Variants in NRCAM observed in about 807,000 individuals in gnomAD.
NRCAM encodes the protein NgCAM-related cell adhesion molecule.
Under a neutral mutation model 156.5 loss-of-function variants are expected in NRCAM, and 83 were observed. That is an observed-to-expected ratio of 0.53 (90% CI 0.44 to 0.64). The LOEUF (loss-of-function observed/expected upper bound fraction) is 0.64. Among genes scored for constraint, NRCAM ranks in the 30% least tolerant of loss-of-function variants. NRCAM has a pLI of 0.00. For synonymous variants in NRCAM, 538 were observed against 563.9 expected, an observed-to-expected ratio of 0.95 and a Z score of 0.65; for missense variants, 1,417 against 1,597.3, an observed-to-expected ratio of 0.89 and a Z score of 1.92.
chr7:108,194,598 A>G (rs1301528482), intron 15 of NRCAM, among the ~76,000 whole-genome samples, 170 bp from the exon 16 acceptor site: 2 of 152,232 alleles, frequency 1.3e-5, no homozygotes, highest in Admixed American at 6.5e-5. Context: ...GAAGAAAAAA[A>G]GGCATGTATG....
chr7:108,393,659 C>T (rs1007694806), intron 2 of NRCAM, among the ~76,000 whole-genome samples: 2 of 152,130 alleles, frequency 1.3e-5, no homozygotes, highest in Non-Finnish European at 2.9e-5. Context: ...AGAAATCAAC[C>T]GTCTTCTGTG....
At chr7:108,358,354 G>A (rs533803633) in intron 2 of NRCAM, among the ~76,000 whole-genome samples, 5 of 152,062 alleles carry the variant, frequency 3.3e-5, no homozygotes, top group South Asian at 2.1e-4. Context: ...GCAGTGAGCC[G>A]TGGTTATACC....
intron 3 of NRCAM, among the ~76,000 whole-genome samples, chr7:108,262,849 C>G (rs2096935740): frequency 6.6e-6 from 1 of 152,206 alleles, no homozygotes; most frequent in Non-Finnish European, 1.5e-5. Flanking sequence ...GGGTCACATA[C>G]TTTCACCACG....
intron 1 of NRCAM, among the ~76,000 whole-genome samples, chr7:108,414,989 G>A (rs911581156): frequency 6.6e-6 from 1 of 152,142 alleles, no homozygotes; most frequent in African/African-American, 2.4e-5. Flanking sequence ...GCAAGACAGA[G>A]GGGTTTGGAG....
At chr7:108,419,835 G>A (rs1806853617) in intron 1 of NRCAM, among the ~76,000 whole-genome samples, 1 of 152,096 alleles carries the variant, frequency 6.6e-6, no homozygotes, top group South Asian at 2.1e-4. Flanking sequence ...TTTTGATGTC[G>A]GGGTGAGGGT....
chr7:108,278,715 A>C, intron 3 of NRCAM, among the ~76,000 whole-genome samples: 1 of 152,208 alleles, frequency 6.6e-6, no homozygotes, highest in East Asian at 1.9e-4. Flanking sequence ...GCGCTTCCCC[A>C]GTGAGGCGAC....
At chr7:108,376,711 A>T (rs1360068009) in intron 2 of NRCAM, among the ~76,000 whole-genome samples, 1 of 152,236 alleles carries the variant, frequency 6.6e-6, no homozygotes, top group Non-Finnish European at 1.5e-5. Context: ...CAGTATGGGA[A>T]AACTGGGGAA....
chr7:108,292,723 G>A (rs974852914), intron 3 of NRCAM, among the ~76,000 whole-genome samples: 6 of 152,100 alleles, frequency 3.9e-5, no homozygotes, highest in South Asian at 2.1e-4. Context: ...TGGGGATCAC[G>A]GCTCCTATCT....
intron 1 of NRCAM, among the ~76,000 whole-genome samples, chr7:108,448,348 G>A (rs945146522): frequency 3.3e-5 from 5 of 152,150 alleles, no homozygotes; most frequent in Non-Finnish European, 7.4e-5. Flanking sequence ...CCTAAAAGTA[G>A]AAATATTCAT....
intron 1 of NRCAM, among the ~76,000 whole-genome samples, chr7:108,443,581 T>C (rs1426477786): frequency 6.6e-6 from 1 of 152,178 alleles, no homozygotes; most frequent in African/African-American, 2.4e-5. Flanking sequence ...ACATTTTTCA[T>C]GTTGAAAGAA....
At position 108,294,829 on chromosome 7, in the gene NRCAM, GTTTATACTTCCT is replaced by G. The variant is rs768198493; in HGVS notation, c.-107+17824_-107+17835del. On this transcript the variant is annotated intron_variant, in intron 3 of 32. Coordinates refer to ENST00000379028, the MANE Select transcript of NRCAM (RefSeq NM_001037132.4). ...ACTTCCCCTTTTTTGGACATGCTTA[GTTTATACTTCCT>G]GCCCCGCAGCCATCTCTGGTGCCAA... 4.6e-3 allele frequency among the ~76,000 whole-genome samples: 708 copies of G among 152,264 alleles called. 4 individuals carry two copies. Among genetic ancestry groups the G allele is most frequent in the Non-Finnish European group, 7.8e-3 (530 of 68,018 alleles).
chr7:108,258,422 C>G (rs2096765950), intron 3 of NRCAM, among the ~76,000 whole-genome samples: 1 of 152,226 alleles, frequency 6.6e-6, no homozygotes, highest in Non-Finnish European at 1.5e-5. Context: ...CTCTCAACTC[C>G]TTTTCCTCCT....
intron 3 of NRCAM, among the ~76,000 whole-genome samples, chr7:108,288,076 T>C (rs1296453675): frequency 6.6e-6 from 1 of 152,120 alleles, no homozygotes; most frequent in Admixed American, 6.5e-5. Flanking sequence ...AATAAAATAA[T>C]GTCTTTTGCA....
intron 14 of NRCAM, among the ~76,000 whole-genome samples, chr7:108,196,271 C>T (rs2075027180): frequency 6.6e-6 from 1 of 152,090 alleles, no homozygotes; most frequent in Non-Finnish European, 1.5e-5. Context: ...CAGAAAAAAG[C>T]AGAGTGATGA....
intron 3 of NRCAM, among the ~76,000 whole-genome samples, chr7:108,299,103 C>CAGAAAGAAAGAAAGAAAGAA (rs1563162587): frequency 0.062 from 375 of 6,050 alleles, 23 homozygotes; most frequent in African/African-American, 0.13. Flanking sequence ...AAGACTCCAT[C>CAGAAAGAAAGAAAGAAAGAA]TCAAAAAAAA....
intron 2 of NRCAM, among the ~76,000 whole-genome samples, chr7:108,381,017 C>T (rs1595790589): frequency 1.3e-5 from 2 of 151,974 alleles, no homozygotes; most frequent in Non-Finnish European, 1.5e-5. Flanking sequence ...CCTGTCTGGG[C>T]AACACAGAGA....
chr7:108,293,283 G>T (rs965355809), intron 3 of NRCAM, among the ~76,000 whole-genome samples: 11 of 152,200 alleles, frequency 7.2e-5, no homozygotes, highest in Admixed American at 5.9e-4. Context: ...GGCGATCACG[G>T]CTTGGCTAAG....
intron 19 of NRCAM, among the ~76,000 whole-genome samples, chr7:108,190,609 G>A (rs547426659): frequency 9.9e-5 from 15 of 152,192 alleles, no homozygotes; most frequent in Admixed American, 2.0e-4. Flanking sequence ...TTGTATTGAC[G>A]TACTGAATAA....
intron 2 of NRCAM, among the ~76,000 whole-genome samples, chr7:108,319,889 G>GC: frequency 6.6e-6 from 1 of 152,332 alleles, no homozygotes; most frequent in East Asian, 1.9e-4. Flanking sequence ...AGTTCTTTCA[G>GC]CCTTTTATCC....
Sources: allele counts gnomAD v4.1 joint callset (sites outside exome capture counted in the v4.1 genomes callset), GRCh38; gene constraint gnomAD v4.1.1; transcripts MANE v1.5; gene names NCBI Gene and HGNC (gene_info 2026-07-23, HGNC 2026-07-21).